Variants in UNC5D observed in about 807,000 individuals in gnomAD.
The protein encoded by UNC5D is netrin receptor UNC5D.
UNC5D carries 39 observed loss-of-function variants against 105.4 expected under a neutral mutation model. The ratio of observed to expected loss-of-function variants is 0.37; its 90% CI spans 0.29 to 0.48. UNC5D has a LOEUF of 0.48. Among genes scored for constraint, UNC5D ranks in the 20% least tolerant of loss-of-function variants. The probability of loss-of-function intolerance (pLI) is 0.98; values close to 1 mark genes in which losing one functional copy is unlikely to be tolerated. For missense variants in UNC5D, 991 were observed against 1,202.4 expected (o/e 0.82, Z 2.60); for synonymous variants, 452 against 450.4 (o/e 1.00, Z -0.04).
chr8:35,697,191 TATATAC>T (rs1826844433), intron 7 of UNC5D, among the ~76,000 whole-genome samples: 1 of 151,886 alleles, frequency 6.6e-6, no homozygotes, highest in Non-Finnish European at 1.5e-5. Context: ...GATACACATA[TATATAC>T]ATATAAAGTA....
chr8:35,323,224 G>A (rs1299981612), intron 1 of UNC5D, among the ~76,000 whole-genome samples: 7 of 136,598 alleles, frequency 5.1e-5, no homozygotes, highest in Non-Finnish European at 7.7e-5. Context: ...AATGGAACTC[G>A]AAAAAGGCCT....
chr8:35,728,071 TAA>T (rs71215643), intron 10 of UNC5D, among the ~76,000 whole-genome samples: 467 of 40,938 alleles, frequency 0.011, 7 homozygotes, highest in African/African-American at 0.05. Flanking sequence ...TTGCTGTCTC[TAA>T]AAAAAAAAAA....
chr8:35,688,445 G>A (rs1266057660), intron 7 of UNC5D, among the ~76,000 whole-genome samples: 1 of 152,134 alleles, frequency 6.6e-6, no homozygotes, highest in African/African-American at 2.4e-5. Flanking sequence ...TTCATACATT[G>A]GTTAAAATGA....
chr8:35,341,928 C>T (rs1243866771), intron 1 of UNC5D, among the ~76,000 whole-genome samples: 1 of 152,090 alleles, frequency 6.6e-6, no homozygotes, highest in East Asian at 1.9e-4. Flanking sequence ...ATGTCAAATA[C>T]TCAATTTCAC....
At chr8:35,302,729 A>G (rs977246904) in intron 1 of UNC5D, among the ~76,000 whole-genome samples, 3 of 152,212 alleles carry the variant, frequency 2.0e-5, no homozygotes, top group African/African-American at 7.2e-5. Context: ...GGTATAGGTA[A>G]TAGATTTGAT....
chr8:35,708,429 A>G (rs191369957), intron 8 of UNC5D, among the ~76,000 whole-genome samples: 1 of 152,360 alleles, frequency 6.6e-6, no homozygotes, highest in East Asian at 1.9e-4. Flanking sequence ...AATTATCTTC[A>G]GGTGCTTTAT....
chr8:35,305,378 G>A (rs531096406), intron 1 of UNC5D, among the ~76,000 whole-genome samples: 25 of 151,990 alleles, frequency 1.6e-4, no homozygotes, highest in Non-Finnish European at 3.2e-4. Context: ...AAATTAAATA[G>A]ATGGGGTTCA....
chr8:35,357,095 T>C (rs1801599427), intron 1 of UNC5D, among the ~76,000 whole-genome samples: 1 of 152,194 alleles, frequency 6.6e-6, no homozygotes, highest in Non-Finnish European at 1.5e-5. Context: ...TGCCATCATC[T>C]CTTGTTCATC....
chr8:35,290,120 A>G (rs1806929303), intron 1 of UNC5D, among the ~76,000 whole-genome samples: 1 of 152,158 alleles, frequency 6.6e-6, no homozygotes, highest in African/African-American at 2.4e-5. Flanking sequence ...TCAAAAAACT[A>G]AAGATAGAAA....
chr8:35,370,567 T>G (rs1264787035), intron 1 of UNC5D, among the ~76,000 whole-genome samples: 1 of 152,196 alleles, frequency 6.6e-6, no homozygotes, highest in Admixed American at 6.5e-5. Flanking sequence ...GCTGTTTGAA[T>G]GTTGTATATA....
intron 1 of UNC5D, among the ~76,000 whole-genome samples, chr8:35,307,669 T>C (rs1018954055): frequency 1.3e-5 from 2 of 152,172 alleles, no homozygotes; most frequent in African/African-American, 4.8e-5. Context: ...AGGCAGGCAA[T>C]GCATGGTCAC....
intron 13 of UNC5D, among the ~76,000 whole-genome samples, chr8:35,757,832 A>G (rs1830582339): frequency 6.6e-6 from 1 of 152,180 alleles, no homozygotes; most frequent in Non-Finnish European, 1.5e-5. Context: ...TCCACCAGAC[A>G]TTGGCTACCA....
At chr8:35,492,383 A>C (rs536423286) in intron 1 of UNC5D, among the ~76,000 whole-genome samples, 1 of 152,086 alleles carries the variant, frequency 6.6e-6, no homozygotes, top group Non-Finnish European at 1.5e-5. Flanking sequence ...TGAGAAGGAA[A>C]ATATATAAAG....
intron 1 of UNC5D, among the ~76,000 whole-genome samples, chr8:35,472,092 C>T (rs1382055773): frequency 1.3e-5 from 2 of 152,130 alleles, no homozygotes; most frequent in Non-Finnish European, 2.9e-5. Context: ...GAAGTTGCTA[C>T]TTATGTAGAA....
chr8:35,762,527 T>C (rs769122632), intron 14 of UNC5D, among the ~76,000 whole-genome samples: 4 of 152,188 alleles, frequency 2.6e-5, no homozygotes, highest in Non-Finnish European at 4.4e-5. Context: ...CAATTCATTA[T>C]TTCCCATTTT....
intron 1 of UNC5D, among the ~76,000 whole-genome samples, chr8:35,431,596 A>G (rs1348656284): frequency 6.6e-6 from 1 of 152,154 alleles, no homozygotes; most frequent in East Asian, 1.9e-4. Context: ...CTCTGCAACT[A>G]CAATAGGTTA....
rs148800331 is a variant in UNC5D at position 35,304,994 on chromosome 8, T to C, written c.103+69107T>C. Among the ~76,000 whole-genome samples, 48 of 152,262 alleles carry C rather than the reference T, an allele frequency of 3.2e-4. No individual in the cohort carries two copies. In the East Asian group the frequency reaches 8.9e-3, roughly 28 times the overall value. On this transcript the variant is annotated intron_variant, in intron 1 of 16. Transcript: ENST00000404895. Reference sequence around the variant, plus strand: ...AAAGCCTCAGAAATGTATTATATTATTTTAGGCTGAAGAATTGAAGCAGTG... The same window carrying C: ...AAAGCCTCAGAAATGTATTATATTACTTTAGGCTGAAGAATTGAAGCAGTG...
chr8:35,271,734 CATATATATTTAT>C, intron 1 of UNC5D, among the ~76,000 whole-genome samples: 1 of 121,204 alleles, frequency 8.3e-6, no homozygotes, highest in East Asian at 2.3e-4. Flanking sequence ...TACATGTATA[CATATATATTTAT>C]ACATGTATAC....
At chr8:35,303,573 T>C (rs1215162958) in intron 1 of UNC5D, among the ~76,000 whole-genome samples, 1 of 152,202 alleles carries the variant, frequency 6.6e-6, no homozygotes, top group Admixed American at 6.6e-5. Context: ...CTCTAACTTC[T>C]GGTATAAAAA....
Sources: allele counts gnomAD v4.1 joint callset (sites outside exome capture counted in the v4.1 genomes callset), GRCh38; gene constraint gnomAD v4.1.1; transcripts MANE v1.5; gene names NCBI Gene and HGNC (gene_info 2026-07-23, HGNC 2026-07-21).